Variants in FGF14 observed in about 807,000 individuals in gnomAD.
FGF14 encodes fibroblast growth factor 14.
In FGF14, 5 loss-of-function variants were observed where a neutral mutation model predicts 25.5. That is an observed-to-expected ratio of 0.20 (90% CI 0.10 to 0.41). FGF14 has a LOEUF of 0.41. Ranked by LOEUF, FGF14 falls within the 10% of genes least tolerant of loss-of-function variation. The pLI is 1.00. For synonymous variants in FGF14, 138 were observed against 118.3 expected (o/e 1.17, Z -1.08); for missense variants, 222 against 320.1 (o/e 0.69, Z 2.34).
At chr13:102,360,239 T>C (rs1351158160) in intron 1 of FGF14, among the ~76,000 whole-genome samples, 1 of 152,194 alleles carries the variant, frequency 6.6e-6, no homozygotes, top group Non-Finnish European at 1.5e-5. Context: ...TTTCGTCAGC[T>C]TGTGGTGATT....
intron 3 of FGF14, among the ~76,000 whole-genome samples, chr13:101,838,342 G>A (rs2043029405): frequency 2.0e-5 from 3 of 151,954 alleles, no homozygotes; most frequent in Admixed American, 2.0e-4. Context: ...CCCCTAAGAG[G>A]TGACATGGAG....
chr13:102,204,462 G>C (rs1278594985), intron 1 of FGF14, among the ~76,000 whole-genome samples: 13 of 152,238 alleles, frequency 8.5e-5, no homozygotes, highest in African/African-American at 3.1e-4. Flanking sequence ...GCAGGGCAGA[G>C]TGAGTTGGGC....
At chr13:102,232,502 T>C (rs1343446496) in intron 1 of FGF14, among the ~76,000 whole-genome samples, 1 of 152,190 alleles carries the variant, frequency 6.6e-6, no homozygotes, top group Non-Finnish European at 1.5e-5. Flanking sequence ...CAGAGAAGCA[T>C]TTGCAAATAT....
chr13:102,299,561 T>G (rs75583515), intron 1 of FGF14, among the ~76,000 whole-genome samples: 23,245 of 151,964 alleles, frequency 0.15, 1,912 homozygotes, highest in East Asian at 0.38. Flanking sequence ...GTAGAACCAC[T>G]GGGGCTGCCT....
intron 1 of FGF14, among the ~76,000 whole-genome samples, chr13:102,162,578 C>G (rs1441279838): frequency 6.6e-6 from 1 of 152,120 alleles, no homozygotes; most frequent in Non-Finnish European, 1.5e-5. Flanking sequence ...TATAATATTA[C>G]TACTATCATA....
Position 102,008,701 on chromosome 13 carries a change from A to G in FGF14, c.209-133405T>C, listed in dbSNP as rs529397065. On this transcript the variant is annotated intron_variant, in intron 1 of 4. Coordinates refer to the FGF14 transcript ENST00000376131. ...TACAAAAATATGAATATGGATGTAA[A>G]TGTTCATGTTTTCCAGGATGTGAGC... is the stretch of plus-strand genomic sequence containing the variant. Among the ~76,000 whole-genome samples the G allele has an allele frequency of 1.8e-3, 273 of 152,200 alleles. 1 individual carries two copies. The highest frequency in any genetic ancestry group is 3.0e-3 in the Non-Finnish European group (207 of 68,000).
At chr13:101,804,711 T>G (rs553031773) in intron 3 of FGF14, among the ~76,000 whole-genome samples, 1 of 152,266 alleles carries the variant, frequency 6.6e-6, no homozygotes, top group South Asian at 2.1e-4. Flanking sequence ...CATATATACA[T>G]ACACTAATGT....
At chr13:102,326,303 T>C (rs1265367448) in intron 1 of FGF14, among the ~76,000 whole-genome samples, 2 of 152,128 alleles carry the variant, frequency 1.3e-5, no homozygotes, top group East Asian at 1.9e-4. Flanking sequence ...AACTGCACAA[T>C]GCAAATAAAA....
At chr13:102,297,449 T>C (rs74112310) in intron 1 of FGF14, among the ~76,000 whole-genome samples, 3 of 152,272 alleles carry the variant, frequency 2.0e-5, no homozygotes, top group Admixed American at 1.3e-4. Context: ...TGTATCAATA[T>C]TGATTCATTA....
intron 1 of FGF14, among the ~76,000 whole-genome samples, chr13:102,384,017 A>G (rs994135983): frequency 4.6e-5 from 7 of 152,212 alleles, no homozygotes; most frequent in Admixed American, 2.0e-4. Context: ...ATCAGACGCA[A>G]GATGTTATTC....
chr13:101,812,100 C>T (rs1338606024), intron 3 of FGF14, among the ~76,000 whole-genome samples: 1 of 152,106 alleles, frequency 6.6e-6, no homozygotes, highest in Non-Finnish European at 1.5e-5. Flanking sequence ...CAAATTATAT[C>T]TAAGTTCATT....
exon 1 of FGF14, chr13:102,401,646 A>T (rs2139298531): frequency 6.2e-7 from 1 of 1,614,130 alleles, no homozygotes; most frequent in South Asian, 1.1e-5. Flanking sequence ...ATTTGAAATC[A>T]GTTCTCCTGA....
rs78851738 is a variant in FGF14, at chr13:101,719,006, G to C, written c.*3825C>G. ...AAAAAATTGAGGATTTAGCCCAGTCGCTTTCCCTTGATATAGCCTTGTTCT... is the reference window on the plus strand; with the variant it reads ...AAAAAATTGAGGATTTAGCCCAGTCCCTTTCCCTTGATATAGCCTTGTTCT... On this transcript the variant is annotated 3_prime_UTR_variant, in exon 5 of 5. Coordinates refer to ENST00000376143, the MANE Select transcript of FGF14 (RefSeq NM_004115.4). 1 of 152,074 alleles carries C rather than the reference G, an allele frequency of 6.6e-6. No individual in the cohort carries two copies. Among genetic ancestry groups the C allele is most frequent in the South Asian group, 2.1e-4 (1 of 4,820 alleles). 9.4% of individuals were successfully genotyped at this position (152,074 alleles called of 1,614,324 possible).
At chr13:102,043,302 T>C (rs888415439) in intron 1 of FGF14, among the ~76,000 whole-genome samples, 1 of 152,186 alleles carries the variant, frequency 6.6e-6, no homozygotes, top group Non-Finnish European at 1.5e-5. Context: ...CTCAGGACTT[T>C]TCCTCAATCG....
At chr13:102,176,471 T>C (rs1380871340) in intron 1 of FGF14, among the ~76,000 whole-genome samples, 3 of 152,140 alleles carry the variant, frequency 2.0e-5, no homozygotes, top group African/African-American at 7.2e-5. Flanking sequence ...TTGGTTACAA[T>C]GTTCACTATT....
intron 1 of FGF14, among the ~76,000 whole-genome samples, chr13:102,344,381 G>A (rs2057040824): frequency 6.6e-6 from 1 of 152,138 alleles, no homozygotes; most frequent in Non-Finnish European, 1.5e-5. Context: ...TGTTGCTTCT[G>A]GGTAAAGAAT....
rs542390072 is a variant in FGF14, at chr13:101,935,586, T to C, written c.209-60290A>G. Among the ~76,000 whole-genome samples, 15 of 152,326 alleles carry C rather than the reference T, an allele frequency of 9.8e-5. No individual in the cohort carries two copies. In the South Asian group the frequency reaches 3.1e-3, roughly 32 times the overall value. ...ATTTCCCCTGCTTGCACTCATTCTC[T>C]TTCCTGCTGCCCTGTGAAGAGGTGC... On this transcript the variant is annotated intron_variant, in intron 1 of 4. Coordinates refer to the FGF14 transcript ENST00000376131.
At chr13:102,047,594 C>A (rs1355465323) in intron 1 of FGF14, among the ~76,000 whole-genome samples, 1 of 152,104 alleles carries the variant, frequency 6.6e-6, no homozygotes, top group East Asian at 1.9e-4. Flanking sequence ...AAACCAAACA[C>A]CGCATATTCT....
rs76976949 is a variant in FGF14 at position 101,772,650 on chromosome 13, G to C, written c.409-45840C>G. ...TAGCACATATTGCAACCCAAATAAG[G>C]CTGAATTAAACAGATACATTATGTG... On this transcript the variant is annotated intron_variant, in intron 3 of 4. Transcript: ENST00000376143. Among the ~76,000 whole-genome samples the C allele has an allele frequency of 7.5e-3, 1,146 of 152,118 alleles. 15 individuals carry two copies. The highest frequency in any genetic ancestry group is 0.026 in the African/African-American group (1,065 of 41,536).
Sources: gnomAD v4.1 joint callset for allele counts (sites outside exome capture counted in the v4.1 genomes callset) on GRCh38, gnomAD v4.1.1 for gene constraint, MANE v1.5 for transcripts, NCBI Gene and HGNC (gene_info 2026-07-23, HGNC 2026-07-21) for gene names.